Variants in MAPK9 observed in about 807,000 individuals in gnomAD.
MAPK9 encodes the protein Jun kinase.
Under a neutral mutation model 57.1 loss-of-function variants are expected in MAPK9, and 30 were observed. The ratio of observed to expected loss-of-function variants is 0.53; its 90% CI spans 0.39 to 0.71. The LOEUF is 0.71. MAPK9 is among the 30% of genes least tolerant of loss of function. The pLI is 0.00. For missense variants in MAPK9, 362 were observed against 521.0 expected (o/e 0.69, Z 2.97); for synonymous variants, 155 against 177.0 (o/e 0.88, Z 0.99).
At chr5:180,281,847 C>T (rs1312724166) in intron 1 of MAPK9, among the ~76,000 whole-genome samples, 1 of 152,284 alleles carries the variant, frequency 6.6e-6, no homozygotes, top group Middle Eastern at 3.4e-3. Context: ...CCACTCCTGC[C>T]GAGGTGTGTT....
At chr5:180,287,905 C>CA (rs914995340) in intron 1 of MAPK9, among the ~76,000 whole-genome samples, 17 of 152,106 alleles carry the variant, frequency 1.1e-4, no homozygotes, top group Middle Eastern at 3.4e-3. Context: ...AGTGGGTGCC[C>CA]AAAAAATGTT....
chr5:180,267,431 G>A (rs7712628), intron 3 of MAPK9, among the ~76,000 whole-genome samples: 105,339 of 151,266 alleles, frequency 0.7, 36,816 homozygotes, highest in East Asian at 0.82. Context: ...GTGTGGTGGC[G>A]GGCACCTGTA....
At chr5:180,244,271 C>T (rs1757897364) in intron 7 of MAPK9, among the ~76,000 whole-genome samples, 1 of 152,166 alleles carries the variant, frequency 6.6e-6, no homozygotes. Flanking sequence ...CTACACTAAG[C>T]CTGCTCAGCT....
rs759456800 is a variant in MAPK9, at chr5:180,238,363, G to T, written c.1101C>A (p.Ser367Arg). The T allele has an allele frequency of 6.2e-6, 10 of 1,612,302 alleles. No individual in the cohort carries two copies. The highest frequency in any genetic ancestry group is 8.5e-6 in the Non-Finnish European group (10 of 1,178,666). ...GCTGATCTTTTACAACACCATTCTT[G>T]CTTCTTTCTTCCCAATCCATGACTT... ...YKEVMDWEERSKNGVVKDQPS... is the reference protein window; with the variant it reads ...YKEVMDWEERRKNGVVKDQPS... The change falls in exon 11 of 12, where the codon AGC becomes AGA. Residue 367 changes from serine to arginine, a missense_variant. Around this residue, in one of 3 missense-constraint regions of MAPK9, gnomAD observed 199 missense variants for 251.3 expected, o/e 0.79. Transcript: ENST00000452135.
At position 180,235,858 on chromosome 5, in the gene MAPK9, A is replaced by C; in HGVS notation, c.*526T>G. ...AAATACAAAAGATAGAATAAATCAT[A>C]GCATAAAAGGGAATAAGATATGATA... On this transcript the variant is annotated 3_prime_UTR_variant, in exon 12 of 12. Coordinates refer to ENST00000452135, the MANE Select transcript of MAPK9 (RefSeq NM_002752.5). The C allele has an allele frequency of 6.5e-6, 1 of 152,702 alleles. No homozygotes were observed. The highest frequency in any genetic ancestry group is 1.9e-4 in the East Asian group (1 of 5,208). The allele number at this position is 152,702 out of a possible 1,614,324, so 9.5% of individuals were successfully genotyped here. A position where few individuals can be genotyped will look rare whatever the true frequency, so the allele number is the denominator to read the frequency against.
At chr5:180,236,731 C>T in intron 11 of MAPK9, 1 of 446,384 alleles carries the variant, frequency 2.2e-6, no homozygotes, top group Non-Finnish European at 3.9e-6. Context: ...ATTCCTATGT[C>T]TTTCCTTGCA....
At chr5:180,263,706 C>CTTTTTTT (rs61215315) in intron 4 of MAPK9, among the ~76,000 whole-genome samples, 1 of 127,274 alleles carries the variant, frequency 7.9e-6, no homozygotes, top group African/African-American at 3.0e-5. Context: ...GCACCAAATT[C>CTTTTTTT]TTTTTTTTTT....
At chr5:180,283,193 C>T (rs910690620) in intron 1 of MAPK9, among the ~76,000 whole-genome samples, 23 of 152,186 alleles carry the variant, frequency 1.5e-4, no homozygotes, top group South Asian at 4.1e-4. Flanking sequence ...CAACTAGAGA[C>T]GACGCCTGGC....
chr5:180,271,487 T>A (rs1761309932), intron 2 of MAPK9, among the ~76,000 whole-genome samples: 1 of 152,206 alleles, frequency 6.6e-6, no homozygotes. Flanking sequence ...CCTGGTTACG[T>A]CTTTAAGTAA....
At chr5:180,242,333 A>G (rs531535334) in intron 8 of MAPK9, among the ~76,000 whole-genome samples, 1 of 152,348 alleles carries the variant, frequency 6.6e-6, no homozygotes, top group East Asian at 1.9e-4. Context: ...CTGTAACATA[A>G]GATTCTTTCA....
Position 180,282,282 on chromosome 5 carries a change from C to T in MAPK9, c.-47-1674G>A, listed in dbSNP as rs146502713. Reference sequence around the variant, plus strand: ...TTTGCAAGAGGCTGAAACAATTCCACTCAACATTTAGGGGGTACCTTTATG... The same window carrying T: ...TTTGCAAGAGGCTGAAACAATTCCATTCAACATTTAGGGGGTACCTTTATG... On this transcript the variant is annotated intron_variant, in intron 1 of 11. Coordinates refer to ENST00000452135, the MANE Select transcript of MAPK9 (RefSeq NM_002752.5). 9.5e-3 allele frequency among the ~76,000 whole-genome samples: 1,442 copies of T among 152,332 alleles called. 13 individuals carry two copies. The highest frequency in any genetic ancestry group is 0.017 in the Middle Eastern group (5 of 294).
In MAPK9 at chr5:180,247,429, G is replaced by A. The variant is rs1758227566; in HGVS notation, c.688+10C>T. On this transcript the variant is annotated intron_variant, in intron 7 of 11. Transcript: ENST00000452135. The surrounding 1 kb of genome is among the most constrained non-coding windows in gnomAD (Gnocchi z 4.5). ...AAGCATGGCGGGGCCAAGGTCGCGG[G>A]GAAGGATACGGTCAGTGCCTTGGAA... 1.2e-6 allele frequency: 2 copies of A among 1,614,134 alleles called. No homozygotes were observed. Among genetic ancestry groups the A allele is most frequent in the South Asian group, 2.2e-5 (2 of 91,082 alleles).
chr5:180,236,263 A>G lies in MAPK9; in HGVS notation c.*121T>C. On this transcript the variant is annotated 3_prime_UTR_variant, in exon 12 of 12. Transcript: ENST00000452135. Reference sequence around the variant, plus strand: ...CTATCAGGTCTGAGTAGGGCAAGGCATTGTGTTTCTTACATGCAGAACATG... The same window carrying G: ...CTATCAGGTCTGAGTAGGGCAAGGCGTTGTGTTTCTTACATGCAGAACATG... 2 of 1,114,704 alleles carry G rather than the reference A, an allele frequency of 1.8e-6. No homozygotes were observed. Among genetic ancestry groups the G allele is most frequent in the Non-Finnish European group, 2.5e-6 (2 of 803,854 alleles). The allele number at this position is 1,114,704 out of a possible 1,614,324, so 69.1% of individuals were successfully genotyped here.
At chr5:180,270,189 C>G (rs1761123054) in intron 2 of MAPK9, among the ~76,000 whole-genome samples, 1 of 152,206 alleles carries the variant, frequency 6.6e-6, no homozygotes, top group African/African-American at 2.4e-5. Context: ...GGGCTAACAG[C>G]TACTAAAGGC....
At chr5:180,277,479 C>T (rs779333035) in intron 2 of MAPK9, among the ~76,000 whole-genome samples, 1 of 152,176 alleles carries the variant, frequency 6.6e-6, no homozygotes, top group Non-Finnish European at 1.5e-5. Flanking sequence ...CCAACTAAAC[C>T]TGGGATAACC....
chr5:180,245,246 C>T (rs1757992390), intron 7 of MAPK9, among the ~76,000 whole-genome samples: 1 of 152,166 alleles, frequency 6.6e-6, no homozygotes, highest in Non-Finnish European at 1.5e-5. Context: ...CTTGAAGGGT[C>T]CAGCTTCAAA....
At chr5:180,270,230 C>A (rs34392243) in intron 2 of MAPK9, among the ~76,000 whole-genome samples, 10,104 of 152,228 alleles carry the variant, frequency 0.066, 524 homozygotes, top group Non-Finnish European at 0.098. Flanking sequence ...GATTTAAATA[C>A]TGTTTCTATT....
intron 5 of MAPK9, among the ~76,000 whole-genome samples, chr5:180,257,384 A>T (rs993672359): frequency 3.3e-5 from 5 of 152,212 alleles, no homozygotes; most frequent in Admixed American, 3.3e-4. Context: ...CTTGTCTCTC[A>T]CTAGCTTCTT....
chr5:180,261,978 A>G (rs1760013148), intron 4 of MAPK9, among the ~76,000 whole-genome samples, 156 bp from the exon 5 acceptor site: 1 of 152,240 alleles, frequency 6.6e-6, no homozygotes, highest in South Asian at 2.1e-4. Flanking sequence ...TCCAAAGAAT[A>G]TATAAATAAC....
Sources: gnomAD v4.1 joint callset for allele counts (sites outside exome capture counted in the v4.1 genomes callset) on GRCh38, gnomAD v4.1.1 for gene constraint, gnomAD v4.1.1 regional missense constraint, Gnocchi (gnomAD v3.1) non-coding constraint, MANE v1.5 for transcripts, NCBI Gene and HGNC (gene_info 2026-07-23, HGNC 2026-07-21) for gene names.